Variants in KDM5A observed in about 807,000 individuals in gnomAD.
KDM5A encodes the protein lysine demethylase 5A.
A neutral mutation model predicts 193.5 loss-of-function variants in KDM5A; 42 were observed. The observed-to-expected ratio is 0.22, with a 90% confidence interval of 0.17 to 0.28. KDM5A has a LOEUF of 0.28. Among genes scored for constraint, KDM5A ranks in the 10% least tolerant of loss-of-function variants. The probability of loss-of-function intolerance (pLI) is 1.00; values close to 1 mark genes in which losing one functional copy is unlikely to be tolerated. For synonymous variants in KDM5A, 796 were observed against 718.1 expected (o/e 1.11, Z -1.73); for missense variants, 1,692 against 2,055.1 (o/e 0.82, Z 3.42).
chr12:357,827 CAAAAAAAAA>C (rs61577928), intron 5 of KDM5A, among the ~76,000 whole-genome samples: 10 of 29,860 alleles, frequency 3.3e-4, no homozygotes, highest in African/African-American at 1.0e-3. Context: ...GACTCAGTCT[CAAAAAAAAA>C]AAAAAAAAAA....
rs1591892079 is a variant in KDM5A at position 284,007 on chromosome 12, G to A, written c.*1449C>T. ...GAGACCAAGTTTCCCAACAGACAGG[G>A]ACAAGTCCCAACACACAAAGGACAT... On this transcript the variant is annotated 3_prime_UTR_variant, in exon 28 of 28. Transcript: ENST00000399788. The A allele has an allele frequency of 4.3e-6, 1 of 233,248 alleles. No homozygotes were observed. The highest frequency in any genetic ancestry group is 8.5e-6 in the Non-Finnish European group (1 of 117,916). The allele number at this position is 233,248 out of a possible 1,614,324, so 14.4% of individuals were successfully genotyped here. A position where few individuals can be genotyped will look rare whatever the true frequency, so the allele number is the denominator to read the frequency against.
chr12:389,101 C>CGG lies in KDM5A; in HGVS notation c.-12_-11dup, dbSNP rs34704738. 1.9e-5 allele frequency: 25 copies of CGG among 1,293,854 alleles called. No homozygotes were observed. Among genetic ancestry groups the CGG allele is most frequent in the East Asian group, 1.8e-4 (7 of 38,664 alleles). The allele number at this position is 1,293,854 out of a possible 1,614,324, so 80.1% of individuals were successfully genotyped here. ...GCCCCACGCCCGCCATTGCAACGGC[C>CGG]GGGGGGGGGGGGGGGTCCCCGTGGG... is the stretch of plus-strand genomic sequence containing the variant. On this transcript the variant is annotated 5_prime_UTR_variant, in exon 1 of 28. Transcript: ENST00000399788.
intron 20 of KDM5A, among the ~76,000 whole-genome samples, chr12:312,166 G>A (rs182805555): frequency 1.3e-5 from 2 of 152,240 alleles, no homozygotes; most frequent in South Asian, 2.1e-4. Context: ...GCTGCTTAAC[G>A]GTTTTTATGA....
chr12:323,319 A>G, intron 15 of KDM5A, 113 bp from the exon 16 acceptor site: 1 of 1,277,484 alleles, frequency 7.8e-7, no homozygotes, highest in Non-Finnish European at 1.1e-6. Flanking sequence ...AGGAAAATAC[A>G]ATGGCCAAGG....
chr12:350,998 C>G (rs1444618908), intron 9 of KDM5A, among the ~76,000 whole-genome samples: 1 of 152,138 alleles, frequency 6.6e-6, no homozygotes, highest in Non-Finnish European at 1.5e-5. Context: ...CTGTGCTGCC[C>G]TTTTCCGAAA....
chr12:368,129 G>T (rs1365580475), intron 3 of KDM5A, among the ~76,000 whole-genome samples: 6 of 152,130 alleles, frequency 3.9e-5, no homozygotes, highest in African/African-American at 1.4e-4. Context: ...AAACATGAAT[G>T]AATTTTGAAA....
intron 24 of KDM5A, among the ~76,000 whole-genome samples, chr12:299,620 C>A (rs1014657861): frequency 6.6e-6 from 1 of 152,166 alleles, no homozygotes; most frequent in Non-Finnish European, 1.5e-5. Context: ...ACCATCGACG[C>A]TATGAAGAAA....
At chr12:380,804 T>A (rs1302773334) in intron 3 of KDM5A, among the ~76,000 whole-genome samples, 5 of 150,924 alleles carry the variant, frequency 3.3e-5, no homozygotes, top group African/African-American at 7.3e-5. Flanking sequence ...GAAAAAAAAA[T>A]TTTTTTTTCA....
At chr12:387,739 T>C (rs1240500892) in intron 1 of KDM5A, among the ~76,000 whole-genome samples, 1 of 152,214 alleles carries the variant, frequency 6.6e-6, no homozygotes, top group Non-Finnish European at 1.5e-5. Flanking sequence ...AGGCGGACTT[T>C]ATTTACCTGT....
intron 19 of KDM5A, among the ~76,000 whole-genome samples, chr12:315,653 G>C (rs1258091212): frequency 6.6e-6 from 1 of 151,718 alleles, no homozygotes; most frequent in Non-Finnish European, 1.5e-5. Context: ...AAAAATGAAA[G>C]AAAGTGAGAA....
chr12:335,433 G>A (rs1321392463), intron 10 of KDM5A, among the ~76,000 whole-genome samples: 2 of 152,202 alleles, frequency 1.3e-5, no homozygotes, highest in Non-Finnish European at 2.9e-5. Flanking sequence ...GGAGTACAGT[G>A]TGAGTTTTCC....
At chr12:313,325 G>C in intron 19 of KDM5A, 131 bp from the exon 20 acceptor site, 1 of 970,094 alleles carries the variant, frequency 1.0e-6, no homozygotes. Flanking sequence ...GGGAGGCAAA[G>C]CAGCTAGTAT....
chr12:321,129 A>T lies in KDM5A; in HGVS notation c.2427-20T>A. ...CTCTGTCTGATGTGAAATAATATTG[A>T]GATATAAGTAAGAAAAATTCAGTCA... is the stretch of plus-strand genomic sequence containing the variant. On this transcript the variant is annotated intron_variant, in intron 17 of 27. Transcript: ENST00000399788. 1 of 1,544,152 alleles carries T rather than the reference A, an allele frequency of 6.5e-7. No individual in the cohort carries two copies. Among genetic ancestry groups the T allele is most frequent in the Non-Finnish European group, 9.0e-7 (1 of 1,116,316 alleles).
intron 14 of KDM5A, among the ~76,000 whole-genome samples, chr12:324,566 T>G (rs1384670890): frequency 1.3e-5 from 2 of 152,116 alleles, no homozygotes; most frequent in East Asian, 3.9e-4. Flanking sequence ...TAAGACAAAT[T>G]CAGTATGCCA....
chr12:383,686 T>C lies in KDM5A; in HGVS notation c.366+345A>G, dbSNP rs543452111. 1.9e-4 allele frequency among the ~76,000 whole-genome samples: 28 copies of C among 150,490 alleles called. No homozygotes were observed. The South Asian group carries it at 3.7e-3, about 20-fold the overall frequency. ...AATTAAATATTGATCTCAACAAATA[T>C]AAAATAAGTTTTAAAGATAACTTTG... On this transcript the variant is annotated intron_variant, in intron 3 of 27. Coordinates refer to ENST00000399788, the MANE Select transcript of KDM5A (RefSeq NM_001042603.3).
In KDM5A at chr12:285,527, C is replaced by A; in HGVS notation, c.5002G>T (p.Gly1668Cys). 1 of 1,614,048 alleles carries A rather than the reference C, an allele frequency of 6.2e-7. No individual in the cohort carries two copies. The highest frequency in any genetic ancestry group is 8.5e-7 in the Non-Finnish European group (1 of 1,179,938). ...CAKKQGPVSP[G>C]PAPPPSFIMS... ...ATGAAGGAAGGAGGTGGTGCTGGAC[C>A]TGGGCTAACTGGCCCCTGCTTCTTT... Residue 1668 changes from glycine (G) to cysteine (C), a missense_variant, in exon 28 of 28, where the codon GGT (glycine) becomes TGT (cysteine). Around this residue, in one of 11 missense-constraint regions of KDM5A, gnomAD observed 41 missense variants for 36.3 expected, o/e 1.13. Coordinates refer to ENST00000399788, the MANE Select transcript of KDM5A (RefSeq NM_001042603.3).
At chr12:376,682 G>T (rs191735806) in intron 3 of KDM5A, among the ~76,000 whole-genome samples, 18 of 152,216 alleles carry the variant, frequency 1.2e-4, no homozygotes, top group African/African-American at 4.1e-4. Context: ...CACGCTGGGA[G>T]CTGTAGACCG....
chr12:346,452 C>T (rs914715487), intron 10 of KDM5A, among the ~76,000 whole-genome samples: 1 of 152,066 alleles, frequency 6.6e-6, no homozygotes, highest in African/African-American at 2.4e-5. Flanking sequence ...CTGGCAGAGA[C>T]ACAACAAAAA....
chr12:286,558 G>A (rs1255789514), intron 27 of KDM5A, among the ~76,000 whole-genome samples: 3 of 152,142 alleles, frequency 2.0e-5, no homozygotes, highest in African/African-American at 7.2e-5. Flanking sequence ...TACCAAGGTT[G>A]GTCATTTCAT....
Sources: gnomAD v4.1 joint callset for allele counts (sites outside exome capture counted in the v4.1 genomes callset) on GRCh38, gnomAD v4.1.1 for gene constraint, gnomAD v4.1.1 regional missense constraint, MANE v1.5 for transcripts, NCBI Gene and HGNC (gene_info 2026-07-23, HGNC 2026-07-21) for gene names.